Variants in TLR1 observed in about 807,000 individuals in gnomAD.
TLR1 encodes the protein toll like receptor 1.
A neutral mutation model predicts 20.2 loss-of-function variants in TLR1; 19 were observed. The ratio of observed to expected loss-of-function variants is 0.94; its 90% CI spans 0.66 to 1.38. TLR1 has a LOEUF of 1.38. Among genes scored for constraint, TLR1 ranks in the 40% most tolerant of loss-of-function variants. The pLI is 0.00. For synonymous variants in TLR1, 320 were observed against 334.5 expected, an observed-to-expected ratio of 0.96 and a Z score of 0.47; for missense variants, 921 against 910.0, an observed-to-expected ratio of 1.01 and a Z score of -0.16.
At chr4:38,792,335 A>G (rs1725765198), downstream of TLR1, among the ~76,000 whole-genome samples, 1 of 152,190 alleles carries the variant, frequency 6.6e-6, no homozygotes, top group Admixed American at 6.5e-5. Flanking sequence ...AAGTATAAAA[A>G]CAAAAACAAA....
intron 3 of TLR1, among the ~76,000 whole-genome samples, chr4:38,799,562 C>G (rs1253820035): frequency 6.6e-6 from 1 of 152,218 alleles, no homozygotes; most frequent in Non-Finnish European, 1.5e-5. Context: ...CCTCAGGAAA[C>G]TAATACAGGT....
intron 2 of TLR1, 34 bp downstream of exon 2, chr4:38,804,272 T>C (rs142044152): frequency 9.1e-4 from 138 of 152,322 alleles, no homozygotes; most frequent in African/African-American, 3.2e-3. Flanking sequence ...GACTAGCTAG[T>C]GGGAAGGCCC....
At position 38,796,331 on chromosome 4, in the gene TLR1, G is replaced by T; in HGVS notation, c.*140C>A. 2 of 878,908 alleles carry T rather than the reference G, an allele frequency of 2.3e-6. No homozygotes were observed. The highest frequency in any genetic ancestry group is 3.4e-6 in the Non-Finnish European group (2 of 590,126). The allele number at this position is 878,908 out of a possible 1,614,324, so 54.4% of individuals were successfully genotyped here. On this transcript the variant is annotated 3_prime_UTR_variant, in exon 4 of 4. Transcript: ENST00000308979. Reference sequence around the variant, plus strand: ...ATACCACATATAAATGGTGAACTGCGACCCGAAGGTATATATTTTTACCTA... The same window carrying T: ...ATACCACATATAAATGGTGAACTGCTACCCGAAGGTATATATTTTTACCTA...
downstream of TLR1, among the ~76,000 whole-genome samples, chr4:38,792,641 T>C (rs1725779385): frequency 6.6e-6 from 1 of 151,926 alleles, no homozygotes; most frequent in Non-Finnish European, 1.5e-5. Flanking sequence ...ACCATCTTAA[T>C]CCTATACATT....
At chr4:38,794,952 G>A (rs948277640), downstream of TLR1, among the ~76,000 whole-genome samples, 2 of 152,156 alleles carry the variant, frequency 1.3e-5, no homozygotes, top group African/African-American at 2.4e-5. Flanking sequence ...AGGAAAGGTC[G>A]CTTGTTTGGA....
intron 2 of TLR1, among the ~76,000 whole-genome samples, chr4:38,803,253 CCCTCAGA>C (rs897750587): frequency 5.3e-4 from 80 of 152,268 alleles, no homozygotes; most frequent in African/African-American, 1.8e-3. Flanking sequence ...CCACCCCCTC[CCCTCAGA>C]CCTCAGTATG....
chr4:38,797,211 G>C lies in TLR1; in HGVS notation c.1621C>G (p.Gln541Glu). 6.2e-7 allele frequency: 1 copy of C among 1,614,172 alleles called. No individual in the cohort carries two copies. The highest frequency in any genetic ancestry group is 1.1e-5 in the South Asian group (1 of 91,088). The change falls in exon 4 of 4, where the codon CAA becomes GAA. Residue 541 changes from glutamine to glutamate, a missense_variant. Coordinates refer to ENST00000308979, the MANE Select transcript of TLR1 (RefSeq NM_003263.4). ...ELGEFVKNID[Q>E]VSSEVLEGWP... ...CCCTCTAACACTTCACTTGATACTTGGTCTATATTTTTGACAAATTCTCCT... is the reference window on the plus strand; with the variant it reads ...CCCTCTAACACTTCACTTGATACTTCGTCTATATTTTTGACAAATTCTCCT...
Position 38,796,265 on chromosome 4 carries a change from G to C in TLR1, c.*206C>G, listed in dbSNP as rs1449662038. The C allele has an allele frequency of 3.4e-6, 2 of 588,616 alleles. No homozygotes were observed. The highest frequency in any genetic ancestry group is 5.8e-6 in the Non-Finnish European group (2 of 342,040). 36.5% of individuals were successfully genotyped at this position (588,616 alleles called of 1,614,324 possible). A position where few individuals can be genotyped will look rare whatever the true frequency, so the allele number is the denominator to read the frequency against. On this transcript the variant is annotated 3_prime_UTR_variant, in exon 4 of 4. Transcript: ENST00000308979. ...AAACAAGTGGATCCCTTATGTGTCA[G>C]AACTGTTTAAATCAAAGTTATATCA...
At chr4:38,804,436 C>T (rs1403046636) in intron 1 of TLR1, 54 bp from the exon 2 acceptor site, 1 of 152,192 alleles carries the variant, frequency 6.6e-6, no homozygotes, top group East Asian at 1.9e-4. Context: ...CTGTCAAAAT[C>T]AACAACTAGC....
rs1268992573 is a variant in TLR1 at position 38,796,963 on chromosome 4, G to C, written c.1869C>G (p.Ala623=). The part of the protein sequence containing the change: ...VCQWTQTRRR[A]RNIPLEELQR... ...GGAGTTCTTCTAAGGGTATGTTCCT[G>C]GCCCTGCGCCGGGTCTGGGTCCACT... Residue 623 remains alanine (A), a synonymous_variant, in exon 4 of 4, where the codon GCC becomes GCG. Coordinates refer to ENST00000308979, the MANE Select transcript of TLR1 (RefSeq NM_003263.4). The C allele has an allele frequency of 6.2e-7, 1 of 1,614,176 alleles. No individual in the cohort carries two copies.
chr4:38,795,837 G>A (rs930667720), downstream of TLR1, among the ~76,000 whole-genome samples: 2 of 152,190 alleles, frequency 1.3e-5, no homozygotes, highest in African/African-American at 2.4e-5. Context: ...AGAGTGTAAA[G>A]TATACCCCAT....
chr4:38,794,378 C>G (rs1258537805), downstream of TLR1, among the ~76,000 whole-genome samples: 1 of 152,164 alleles, frequency 6.6e-6, no homozygotes, highest in Non-Finnish European at 1.5e-5. Context: ...TGACTTTCCT[C>G]TATTTTCAAG....
Position 38,797,974 on chromosome 4 carries a change from C to A in TLR1, c.858G>T (p.Gln286His). ...AATAATCAAAATCTCTGAAGTCCAG[C>A]TGACCCTGTAGCTTCACGTTTGAAA... is the stretch of plus-strand genomic sequence containing the variant. ...FSISNVKLQG[Q>H]LDFRDFDYSG... The change falls in exon 4 of 4, where the codon CAG (glutamine) becomes CAT (histidine). Residue 286 changes from glutamine to histidine, a missense_variant. Physicochemically the swap from Gln to His is conservative, Grantham distance 24. Coordinates refer to ENST00000308979, the MANE Select transcript of TLR1 (RefSeq NM_003263.4). The A allele has an allele frequency of 6.2e-7, 1 of 1,614,192 alleles. No individual in the cohort carries two copies. The highest frequency in any genetic ancestry group is 2.2e-5 in the East Asian group (1 of 44,876).
chr4:38,787,857 ACT>A, downstream of TLR1, among the ~76,000 whole-genome samples: 1 of 151,924 alleles, frequency 6.6e-6, no homozygotes, highest in East Asian at 1.9e-4. Flanking sequence ...ACAAACTTGA[ACT>A]CTAATGCACC....
downstream of TLR1, among the ~76,000 whole-genome samples, chr4:38,791,860 G>A (rs994447248): frequency 9.9e-5 from 15 of 151,956 alleles, no homozygotes; most frequent in African/African-American, 2.2e-4. Context: ...CTCATTTTAC[G>A]TCTCCACAGT....
chr4:38,801,044 A>G (rs1726605965), intron 2 of TLR1, 96 bp from the exon 3 acceptor site: 2 of 152,654 alleles, frequency 1.3e-5, no homozygotes, highest in Admixed American at 1.3e-4. Flanking sequence ...AGACCCGGAA[A>G]TTTCCCAATT....
intron 3 of TLR1, among the ~76,000 whole-genome samples, chr4:38,799,507 C>T (rs1423292891): frequency 2.0e-5 from 3 of 152,178 alleles, no homozygotes; most frequent in African/African-American, 4.8e-5. Context: ...CTCTCCAGAA[C>T]GTTGAGGGCA....
Position 38,796,411 on chromosome 4 carries a change from G to C in TLR1, c.*60C>G, listed in dbSNP as rs1485493305. 3 of 1,552,428 alleles carry C rather than the reference G, an allele frequency of 1.9e-6. No individual in the cohort carries two copies. Among genetic ancestry groups the C allele is most frequent in the Non-Finnish European group, 2.6e-6 (3 of 1,142,848 alleles). On this transcript the variant is annotated 3_prime_UTR_variant, in exon 4 of 4. Transcript: ENST00000308979. ...TATGCTGATGCAAAATAAAGTCATTGTTGGAACTTCCAAAAGCAGCAATAT... is the reference window on the plus strand; with the variant it reads ...TATGCTGATGCAAAATAAAGTCATTCTTGGAACTTCCAAAAGCAGCAATAT...
chr4:38,792,116 G>A (rs967897623), downstream of TLR1, among the ~76,000 whole-genome samples: 3 of 152,194 alleles, frequency 2.0e-5, no homozygotes, highest in African/African-American at 7.2e-5. Flanking sequence ...TAGGAAGGGT[G>A]AAGGAATTCA....
Sources: allele counts gnomAD v4.1 joint callset (sites outside exome capture counted in the v4.1 genomes callset), GRCh38; gene constraint gnomAD v4.1.1; transcripts MANE v1.5; gene names NCBI Gene and HGNC (gene_info 2026-07-23, HGNC 2026-07-21).